Variants in LAMA3 observed in about 807,000 individuals in gnomAD.
LAMA3 encodes laminin subunit alpha 3, also known as laminin subunit alpha-3.
In LAMA3, 281 loss-of-function variants were observed where a neutral mutation model predicts 402.0. The observed-to-expected ratio is 0.70, with a 90% CI of 0.63 to 0.77. The LOEUF (loss-of-function observed/expected upper bound fraction) is 0.77, where lower values mean the gene tolerates loss of function less well. LAMA3 is among the 30% of genes least tolerant of loss of function. The probability of loss-of-function intolerance (pLI) is 0.00; values close to 1 mark genes in which losing one functional copy is unlikely to be tolerated. For synonymous variants in LAMA3, 1,431 were observed against 1,558.4 expected, an observed-to-expected ratio of 0.92 and a Z score of 1.93; for missense variants, 3,840 against 4,215.5, an observed-to-expected ratio of 0.91 and a Z score of 2.47.
At chr18:23,894,172 A>AC (rs2080794207) in intron 42 of LAMA3, 126 bp from the exon 43 acceptor site, 1 of 762,566 alleles carries the variant, frequency 1.3e-6, no homozygotes, top group Non-Finnish European at 2.3e-6. Context: ...AATGGTGAAA[A>AC]CCACAATTAC....
At chr18:23,814,696 A>G (rs2063142170) in intron 15 of LAMA3, among the ~76,000 whole-genome samples, 194 bp downstream of exon 15, 1 of 152,166 alleles carries the variant, frequency 6.6e-6, no homozygotes. Context: ...AGGGATTTCT[A>G]TCCTGTTTCT....
chr18:23,848,086 T>A (rs2063861727), intron 32 of LAMA3, among the ~76,000 whole-genome samples: 1 of 152,176 alleles, frequency 6.6e-6, no homozygotes, highest in African/African-American at 2.4e-5. Context: ...CCTTCTAGGG[T>A]TCGCTGGCAG....
chr18:23,761,012 G>A (rs1260145146), intron 7 of LAMA3, among the ~76,000 whole-genome samples: 1 of 152,148 alleles, frequency 6.6e-6, no homozygotes, highest in Non-Finnish European at 1.5e-5. Flanking sequence ...GGGGGCACAA[G>A]CGTTCGGACC....
At chr18:23,869,172 G>T (rs748080684) in intron 37 of LAMA3, among the ~76,000 whole-genome samples, 19 of 152,184 alleles carry the variant, frequency 1.2e-4, no homozygotes, top group Non-Finnish European at 8.8e-5. Flanking sequence ...AACGTTTTCA[G>T]AACTCTGGAA....
rs1449549173 is a variant in LAMA3 at position 23,826,723 on chromosome 18, A to G, written c.2593A>G (p.Arg865Gly). The G allele has an allele frequency of 2.6e-6, 4 of 1,562,334 alleles. No individual in the cohort carries two copies. In the South Asian group the frequency reaches 3.5e-5, roughly 14 times the overall value. The change falls in exon 22 of 75, where the codon AGG (arginine) becomes GGG (glycine). Residue 865 changes from arginine (R) to glycine (G), a missense_variant. By Grantham distance (125) the Arg-to-Gly change is moderately radical. This residue lies in a region of LAMA3 where 2,109 missense variants were observed against 2,376.0 expected (regional missense o/e 0.89). Transcript: ENST00000313654. ...VLLDYLVLLP[R>G]DYYEASVLQL... ...CTAGGATTACCTGGTGCTGCTCCCCAGGGACTACTATGAAGCCTCTGTACT... is the reference window on the plus strand; with the variant it reads ...CTAGGATTACCTGGTGCTGCTCCCCGGGGACTACTATGAAGCCTCTGTACT...
chr18:23,898,792 G>C lies in LAMA3; in HGVS notation c.5668G>C (p.Gly1890Arg). 6.2e-7 allele frequency: 1 copy of C among 1,612,970 alleles called. No homozygotes were observed. Among genetic ancestry groups the C allele is most frequent in the South Asian group, 1.1e-5 (1 of 91,054 alleles). ...AISNHGSKIE[G>R]LERELTDLNQ... ...TTCAAATCATGGATCAAAAATAGAA[G>C]GCCTGGAAAGAGAACTGACTGATTT... The change falls in exon 45 of 75, where the codon GGC (glycine) becomes CGC (arginine). Residue 1890 changes from glycine (G) to arginine (R), a missense_variant. Coordinates refer to ENST00000313654, the MANE Select transcript of LAMA3 (RefSeq NM_198129.4).
At chr18:23,843,458 C>G (rs2063748982) in intron 29 of LAMA3, among the ~76,000 whole-genome samples, 1 of 152,168 alleles carries the variant, frequency 6.6e-6, no homozygotes, top group African/African-American at 2.4e-5. Context: ...TTACCACACC[C>G]CAGAGTCTTT....
rs751525356 is a variant in LAMA3, at chr18:23,884,867, C to G, written c.5303+14C>G. On this transcript the variant is annotated intron_variant, in intron 41 of 74. Transcript: ENST00000313654. The stretch of plus-strand genomic sequence containing the variant: ...ACAGTGTGAAAGGTAAGGTGGGCGC[C>G]CCTCCCGCCTCAGCCTGCAGAGGGG... 1 of 1,599,922 alleles carries G rather than the reference C, an allele frequency of 6.3e-7. No individual in the cohort carries two copies. The highest frequency in any genetic ancestry group is 8.5e-7 in the Non-Finnish European group (1 of 1,170,596).
At chr18:23,927,983 G>A in intron 62 of LAMA3, 140 bp from the exon 63 acceptor site, 1 of 740,594 alleles carries the variant, frequency 1.4e-6, no homozygotes, top group Non-Finnish European at 2.5e-6. Flanking sequence ...GTAGCATTAT[G>A]GGAATCCCAT....
intron 31 of LAMA3, among the ~76,000 whole-genome samples, chr18:23,847,034 G>C (rs1365501993): frequency 1.3e-5 from 2 of 152,242 alleles, no homozygotes; most frequent in African/African-American, 4.8e-5. Context: ...GCAGTGTGCA[G>C]AGTCCCCATG....
In LAMA3 at chr18:23,773,387, C is replaced by T. The variant is rs6507907; in HGVS notation, c.1183-110C>T. The T allele has an allele frequency of 0.14, 111,861 of 782,484 alleles. 13,430 individuals are homozygous for T. The highest frequency in any genetic ancestry group is 0.57 in the East Asian group (21,313 of 37,182). The allele number at this position is 782,484 out of a possible 1,614,324, so 48.5% of individuals were successfully genotyped here. On this transcript the variant is annotated intron_variant, in intron 8 of 74. Coordinates refer to ENST00000313654, the MANE Select transcript of LAMA3 (RefSeq NM_198129.4). ...TTTTAAATTATTATTTCAGTGACTTCAAAATTACAATTGTATATGACAGAA... is the reference window on the plus strand; with the variant it reads ...TTTTAAATTATTATTTCAGTGACTTTAAAATTACAATTGTATATGACAGAA...
In LAMA3 at chr18:23,833,814, G is replaced by T. The variant is rs1419144417; in HGVS notation, c.2824-14G>T. 3.1e-6 allele frequency: 5 copies of T among 1,612,314 alleles called. No individual in the cohort carries two copies. The South Asian group carries it at 4.4e-5, about 14-fold the overall frequency. ...CAGCTGGATCACAGTCTGTCTGCTT[G>T]GCCTCTGTGACAGGTGGAATTGCAT... On this transcript the variant is annotated splice_polypyrimidine_tract_variant and intron_variant, in intron 23 of 74. Coordinates refer to ENST00000313654, the MANE Select transcript of LAMA3 (RefSeq NM_198129.4).
intron 41 of LAMA3, among the ~76,000 whole-genome samples, chr18:23,888,731 T>C (rs2080528501): frequency 6.6e-6 from 1 of 152,204 alleles, no homozygotes; most frequent in South Asian, 2.1e-4. Context: ...TGGAATTGCC[T>C]AATTTTTTTT....
At chr18:23,860,584 T>A (rs2064194488) in intron 34 of LAMA3, among the ~76,000 whole-genome samples, 1 of 151,704 alleles carries the variant, frequency 6.6e-6, no homozygotes, top group East Asian at 1.9e-4. Context: ...TAAAATTAAC[T>A]TCATAAAACT....
At chr18:23,811,371 A>C (rs2063066078) in intron 13 of LAMA3, among the ~76,000 whole-genome samples, 1 of 152,192 alleles carries the variant, frequency 6.6e-6, no homozygotes, top group South Asian at 2.1e-4. Context: ...TGCGCTTTGA[A>C]GACAGGACTG....
intron 6 of LAMA3, among the ~76,000 whole-genome samples, chr18:23,757,720 G>A (rs868707041): frequency 1.3e-5 from 2 of 152,220 alleles, no homozygotes; most frequent in East Asian, 1.9e-4. Context: ...AAGTACGGAA[G>A]GAGGGAGCTC....
chr18:23,750,888 T>C (rs758959357), intron 4 of LAMA3, 30 bp from the exon 5 acceptor site: 56 of 1,613,540 alleles, frequency 3.5e-5, no homozygotes, highest in Non-Finnish European at 4.5e-5. Flanking sequence ...AGGAACTTTT[T>C]CCCCCTTTAT....
intron 22 of LAMA3, 59 bp downstream of exon 22, chr18:23,826,858 T>C (rs947525197): frequency 6.1e-6 from 6 of 979,732 alleles, no homozygotes; most frequent in Middle Eastern, 2.2e-4. Context: ...TAGGAGCCTT[T>C]AATGCAAGCT....
intron 12 of LAMA3, among the ~76,000 whole-genome samples, chr18:23,795,720 A>T (rs1348242291): frequency 8.4e-5 from 12 of 142,182 alleles, no homozygotes; most frequent in African/African-American, 2.9e-4. Context: ...GGCTTAAAAT[A>T]TATATATTTT....
Sources: gnomAD v4.1 joint callset for allele counts (sites outside exome capture counted in the v4.1 genomes callset) on GRCh38, gnomAD v4.1.1 for gene constraint, gnomAD v4.1.1 regional missense constraint, MANE v1.5 for transcripts, NCBI Gene and HGNC (gene_info 2026-07-23, HGNC 2026-07-21) for gene names.